Variants in YLPM1 observed in about 807,000 individuals in gnomAD.
YLPM1 encodes the protein YLP motif containing 1, also known as YLP motif-containing protein 1.
In YLPM1, 99 loss-of-function variants were observed where a neutral mutation model predicts 230.0. The ratio of observed to expected loss-of-function variants is 0.43; its 90% CI spans 0.37 to 0.51. The LOEUF is 0.51. Ranked by LOEUF, YLPM1 falls within the 20% of genes least tolerant of loss-of-function variation. The pLI is 0.00. For missense variants in YLPM1, 2,592 were observed against 2,707.7 expected (o/e 0.96, Z 0.95); for synonymous variants, 984 against 942.5 (o/e 1.04, Z -0.81).
rs574809444 is a variant in YLPM1 at position 74,799,094 on chromosome 14, A to G, written c.3797A>G (p.Asp1266Gly). 6.2e-7 allele frequency: 1 copy of G among 1,613,900 alleles called. No individual in the cohort carries two copies. The highest frequency in any genetic ancestry group is 1.1e-5 in the South Asian group (1 of 91,056). ...HDGDRRGPWW[D>G]DWERDQDMDE... ...GGAGATAGGCGAGGCCCTTGGTGGG[A>G]TGATTGGGAGAGAGACCAGGATATG... The change falls in exon 5 of 21, where the codon GAT becomes GGT. Residue 1266 changes from aspartate (D) to glycine (G), a missense_variant. Asp to Gly is a moderately conservative substitution (Grantham distance 94). Transcript: ENST00000325680.
intron 2 of YLPM1, among the ~76,000 whole-genome samples, chr14:74,779,474 G>T (rs1428313590): frequency 2.6e-5 from 4 of 152,054 alleles, no homozygotes; most frequent in African/African-American, 7.2e-5. Context: ...CTTAGTGACT[G>T]GCACATGGGA....
rs141761326 is a variant in YLPM1 at position 74,792,100 on chromosome 14, C to A, written c.2283-5480C>A. On this transcript the variant is annotated intron_variant, in intron 4 of 20. Transcript: ENST00000325680. ...AAGTGTAATTCCGAGAAAGGAACCA[C>A]ACCTTCACAAGCCCTAAAGCGGCAT... Among the ~76,000 whole-genome samples the A allele has an allele frequency of 5.5e-3, 837 of 152,268 alleles. 8 individuals are homozygous for A. The highest frequency in any genetic ancestry group is 0.018 in the African/African-American group (759 of 41,550).
At chr14:74,776,658 T>C (rs1198843005) in intron 1 of YLPM1, among the ~76,000 whole-genome samples, 1 of 152,190 alleles carries the variant, frequency 6.6e-6, no homozygotes, top group Non-Finnish European at 1.5e-5. Context: ...CACCTTGCAC[T>C]TCATCTCGGC....
rs779807216 is a variant in YLPM1, at chr14:74,798,920, G to C, written c.3623G>C (p.Gly1208Ala). The C allele has an allele frequency of 6.2e-7, 1 of 1,613,900 alleles. No individual in the cohort carries two copies. Among genetic ancestry groups the C allele is most frequent in the African/African-American group, 1.3e-5 (1 of 75,018 alleles). ...ERGHEEFPLD[G>A]RNAPMERERL... ...GGGCATGAAGAGTTTCCATTAGATG[G>C]TAGAAATGCTCCAATGGAACGAGAA... The change falls in exon 5 of 21, where the codon GGT (glycine) becomes GCT (alanine). Residue 1208 changes from glycine (G) to alanine (A), a missense_variant. Gly to Ala is a moderately conservative substitution (Grantham distance 60). Transcript: ENST00000325680.
intron 6 of YLPM1, among the ~76,000 whole-genome samples, chr14:74,808,787 A>G (rs1177991939): frequency 6.7e-6 from 1 of 148,418 alleles, no homozygotes; most frequent in Non-Finnish European, 1.5e-5. Context: ...CTGAGCAACA[A>G]GAGTGAAACT....
chr14:74,784,404 CTTAT>C (rs1172988680), intron 4 of YLPM1, among the ~76,000 whole-genome samples: 3 of 152,190 alleles, frequency 2.0e-5, no homozygotes, highest in African/African-American at 7.2e-5. Context: ...CACATATCAT[CTTAT>C]TTATTCCTCT....
chr14:74,780,523 C>CT lies in YLPM1; in HGVS notation c.1230dup (p.Gln411SerfsTer32). On this transcript the variant is annotated frameshift_variant, in exon 3 of 21. Coordinates refer to ENST00000325680, the MANE Select transcript of YLPM1 (RefSeq NM_019589.3). LOFTEE classifies it high-confidence loss of function. ...TATCAGGGAATAATGCAGAAGCACA[C>CT]TCAGTTACAGCAGATTCTACAACAG... 6.2e-7 allele frequency: 1 copy of CT among 1,613,982 alleles called. No homozygotes were observed. The highest frequency in any genetic ancestry group is 8.5e-7 in the Non-Finnish European group (1 of 1,179,894).
intron 19 of YLPM1, among the ~76,000 whole-genome samples, chr14:74,834,365 A>G (rs1323847101): frequency 6.6e-6 from 1 of 152,174 alleles, no homozygotes; most frequent in Non-Finnish European, 1.5e-5. Flanking sequence ...AATGAAAGTA[A>G]TAATACCAGC....
chr14:74,814,550 G>A (rs1475471055), intron 11 of YLPM1, among the ~76,000 whole-genome samples: 1 of 152,228 alleles, frequency 6.6e-6, no homozygotes, highest in Admixed American at 6.5e-5. Flanking sequence ...TTGATATGAT[G>A]TGTTACATTA....
At chr14:74,806,794 G>GAA (rs1378138379) in intron 6 of YLPM1, among the ~76,000 whole-genome samples, 6 of 147,026 alleles carry the variant, frequency 4.1e-5, no homozygotes, top group African/African-American at 7.5e-5. Context: ...CCATTTATCT[G>GAA]TTTGAGTCAG....
chr14:74,775,209 C>T (rs573627703), intron 1 of YLPM1, among the ~76,000 whole-genome samples: 3 of 152,088 alleles, frequency 2.0e-5, no homozygotes, highest in African/African-American at 4.8e-5. Flanking sequence ...AATGAGTGAC[C>T]GAGAGGGAAG....
At position 74,836,861 on chromosome 14, in the gene YLPM1, T is replaced by G. The variant is rs146716976; in HGVS notation, c.*1123T>G. The G allele has an allele frequency of 2.7e-3, 414 of 152,656 alleles. 4 individuals carry two copies. The highest frequency in any genetic ancestry group is 3.5e-3 in the Non-Finnish European group (235 of 68,006). 9.5% of individuals were successfully genotyped at this position (152,656 alleles called of 1,614,324 possible). A position where few individuals can be genotyped will look rare whatever the true frequency, so the allele number is the denominator to read the frequency against. ...ACAGAGATAAAACCCAAATATTATTTCTATGTAAACACAGAAAAGGGACTC... is the reference window on the plus strand; with the variant it reads ...ACAGAGATAAAACCCAAATATTATTGCTATGTAAACACAGAAAAGGGACTC... On this transcript the variant is annotated 3_prime_UTR_variant, in exon 21 of 21. Transcript: ENST00000325680.
At position 74,835,345 on chromosome 14, in the gene YLPM1, G is replaced by T; in HGVS notation, c.6375G>T (p.Trp2125Cys). The T allele has an allele frequency of 6.2e-7, 1 of 1,613,704 alleles. No homozygotes were observed. Among genetic ancestry groups the T allele is most frequent in the Non-Finnish European group, 8.5e-7 (1 of 1,179,732 alleles). ...AIGFVVGQTD[W>C]EKITDESGHL... ...GTTTTGTGGTCGGACAGACTGATTGGGAGAAGATCACAGATGAAAGTGGTC... is the reference window on the plus strand; with the variant it reads ...GTTTTGTGGTCGGACAGACTGATTGTGAGAAGATCACAGATGAAAGTGGTC... Residue 2125 changes from tryptophan (W) to cysteine (C), a missense_variant, in exon 20 of 21, where the codon TGG (tryptophan) becomes TGT (cysteine). Physicochemically the swap from Trp to Cys is radical, Grantham distance 215 (BLOSUM62 -2). Around this residue, in one of 4 missense-constraint regions of YLPM1, gnomAD observed 315 missense variants for 429.3 expected, o/e 0.73. Transcript: ENST00000325680.
intron 3 of YLPM1, among the ~76,000 whole-genome samples, 193 bp from the exon 4 acceptor site, chr14:74,781,141 G>C (rs1441236500): frequency 6.6e-6 from 1 of 152,146 alleles, no homozygotes; most frequent in East Asian, 1.9e-4. Flanking sequence ...TCTGTAGTAA[G>C]TTGTCTAAGC....
chr14:74,802,817 A>G (rs1161854465), intron 6 of YLPM1, 141 bp downstream of exon 6: 2 of 1,099,160 alleles, frequency 1.8e-6, no homozygotes, highest in Non-Finnish European at 2.5e-6. Flanking sequence ...GTTTATGGTA[A>G]TTGAACTTTG....
Position 74,777,187 on chromosome 14 carries a change from C to T in YLPM1, c.874-1260C>T. On this transcript the variant is annotated intron_variant, in intron 1 of 20. Transcript: ENST00000325680. ...TTGTTGTAATTTTTAAATGAAAGCA[C>T]AAAATAAGCTTTCAGAAAATTAAAG... Among the ~76,000 whole-genome samples the T allele has an allele frequency of 2.6e-5, 4 of 152,182 alleles. No individual in the cohort carries two copies. The South Asian group carries it at 8.3e-4, about 32-fold the overall frequency.
chr14:74,809,707 A>G lies in YLPM1; in HGVS notation c.4849A>G (p.Ile1617Val), dbSNP rs773105444. Residue 1617 changes from isoleucine to valine, a missense_variant, in exon 7 of 21, where the codon ATT becomes GTT. This residue lies in a region of YLPM1 where 403 missense variants were observed against 426.7 expected (regional missense o/e 0.94). Transcript: ENST00000325680. The part of the protein sequence containing the change: ...VLPPPPVHSS[I>V]PPPGPVPMGM... Reference sequence around the variant, plus strand: ...ACCACCCCCACCTGTTCACTCTTCCATTCCCCCTCCTGGCCCAGTGCCTAT... The same window carrying G: ...ACCACCCCCACCTGTTCACTCTTCCGTTCCCCCTCCTGGCCCAGTGCCTAT... 17 of 1,613,866 alleles carry G rather than the reference A, an allele frequency of 1.1e-5. No homozygotes were observed. Among genetic ancestry groups the G allele is most frequent in the Non-Finnish European group, 1.4e-5 (17 of 1,179,894 alleles).
Position 74,809,726 on chromosome 14 carries a change from T to G in YLPM1, c.4868T>G (p.Val1623Gly). ...VHSSIPPPGP[V>G]PMGMPPMSKP... ...TCTTCCATTCCCCCTCCTGGCCCAGTGCCTATGGGTATGCCACCAATGTCC... is the reference window on the plus strand; with the variant it reads ...TCTTCCATTCCCCCTCCTGGCCCAGGGCCTATGGGTATGCCACCAATGTCC... The change falls in exon 7 of 21, where the codon GTG (valine) becomes GGG (glycine). Residue 1623 changes from valine (V) to glycine (G), a missense_variant. Physicochemically the swap from Val to Gly is moderately radical, Grantham distance 109. Transcript: ENST00000325680. 1.2e-6 allele frequency: 2 copies of G among 1,614,038 alleles called. No individual in the cohort carries two copies. Among genetic ancestry groups the G allele is most frequent in the Non-Finnish European group, 8.5e-7 (1 of 1,179,896 alleles).
chr14:74,770,382 G>A (rs2090966549), intron 1 of YLPM1, among the ~76,000 whole-genome samples: 1 of 151,734 alleles, frequency 6.6e-6, no homozygotes, highest in Non-Finnish European at 1.5e-5. Flanking sequence ...TCAGCACTTT[G>A]GGAGGCCAAG....
Sources: allele counts gnomAD v4.1 joint callset (sites outside exome capture counted in the v4.1 genomes callset), GRCh38; gene constraint gnomAD v4.1.1; regional missense constraint gnomAD v4.1.1; transcripts MANE v1.5; gene names NCBI Gene and HGNC (gene_info 2026-07-23, HGNC 2026-07-21).